The following RANBP17 variants were observed in gnomAD, a reference collection of about 807,000 sequenced individuals.
RANBP17 encodes the protein RAN binding protein 17.
A neutral mutation model predicts 141.2 loss-of-function variants in RANBP17; 158 were observed. The observed-to-expected ratio is 1.12, with a 90% confidence interval of 0.98 to 1.28. The LOEUF (loss-of-function observed/expected upper bound fraction) is 1.28. Ranked by LOEUF, RANBP17 falls within the 50% of genes most tolerant of loss-of-function variation. The pLI, the probability that RANBP17 is intolerant of heterozygous loss-of-function variation, is 0.00. For missense variants in RANBP17, 1,438 were observed against 1,290.7 expected, an observed-to-expected ratio of 1.11 and a Z score of -1.75; for synonymous variants, 430 against 450.0, an observed-to-expected ratio of 0.96 and a Z score of 0.56.
intron 24 of RANBP17, chr5:171,251,732 G>A (rs1228151365): frequency 9.8e-6 from 7 of 715,722 alleles, no homozygotes; most frequent in East Asian, 2.9e-5. Context: ...CGCGGGCTGC[G>A]GTGCGAGCAG....
chr5:170,955,582 G>GTATATATATA (rs869169939), intron 13 of RANBP17, among the ~76,000 whole-genome samples: 4 of 41,674 alleles, frequency 9.6e-5, no homozygotes, highest in Admixed American at 8.0e-4. Flanking sequence ...CAGTCTGTGT[G>GTATATATATA]TATATATATA....
chr5:171,199,801 G>T, intron 19 of RANBP17, 28 bp downstream of exon 19: 2 of 1,426,426 alleles, frequency 1.4e-6, no homozygotes, highest in South Asian at 2.4e-5. Flanking sequence ...TATGAGGAAT[G>T]ACAGTTTTGT....
At chr5:171,033,934 C>G (rs1035399430) in intron 14 of RANBP17, among the ~76,000 whole-genome samples, 3 of 152,034 alleles carry the variant, frequency 2.0e-5, no homozygotes, top group African/African-American at 4.8e-5. Context: ...TAGTGAGGCT[C>G]TGTCTCTGCT....
intron 5 of RANBP17, among the ~76,000 whole-genome samples, chr5:170,906,363 A>G (rs1286080297): frequency 1.3e-5 from 2 of 151,914 alleles, no homozygotes; most frequent in Non-Finnish European, 2.9e-5. Flanking sequence ...ATGTCCCTCA[A>G]TTTGGGATTG....
chr5:171,028,915 A>C (rs756301937), intron 14 of RANBP17: 7 of 1,288,738 alleles, frequency 5.4e-6, no homozygotes, highest in Non-Finnish European at 7.1e-6. Flanking sequence ...AAACCTATCC[A>C]ACTCGGGTTT....
intron 14 of RANBP17, among the ~76,000 whole-genome samples, chr5:171,079,161 C>T (rs1392034006): frequency 6.6e-6 from 1 of 152,170 alleles, no homozygotes; most frequent in East Asian, 1.9e-4. Flanking sequence ...GGGTTCAAGA[C>T]TTCAGGATCG....
chr5:170,929,327 T>C (rs10063052), intron 12 of RANBP17, among the ~76,000 whole-genome samples: 25 of 152,210 alleles, frequency 1.6e-4, no homozygotes, highest in African/African-American at 6.0e-4. Flanking sequence ...ATAGAAAGCA[T>C]TGAGCATTTT....
chr5:171,078,628 C>G lies in RANBP17; in HGVS notation c.1711-91502C>G, dbSNP rs1242973196. ...TGGTGGCTTTAAGTTGAAGCCAGTG[C>G]TCACTTACCACCTGAAAATCCTAGA... On this transcript the variant is annotated intron_variant, in intron 14 of 27. Coordinates refer to ENST00000523189, the MANE Select transcript of RANBP17 (RefSeq NM_022897.5). Among the ~76,000 whole-genome samples the G allele has an allele frequency of 5.9e-5, 9 of 152,312 alleles. No individual in the cohort carries two copies. In the East Asian group the frequency reaches 1.4e-3, roughly 23 times the overall value.
chr5:171,156,114 GATT>G (rs1758876453), intron 14 of RANBP17, among the ~76,000 whole-genome samples: 1 of 152,056 alleles, frequency 6.6e-6, no homozygotes, highest in African/African-American at 2.4e-5. Context: ...TCAAAAGAAA[GATT>G]ATAAGCGGAT....
intron 10 of RANBP17, 47 bp downstream of exon 10, chr5:170,918,906 C>T (rs1772204512): frequency 7.7e-7 from 1 of 1,297,676 alleles, no homozygotes; most frequent in Non-Finnish European, 1.0e-6. Context: ...AGTTTTAAAA[C>T]AGCTTCTTGG....
At chr5:170,978,976 A>G (rs771336549) in intron 14 of RANBP17, among the ~76,000 whole-genome samples, 1 of 152,212 alleles carries the variant, frequency 6.6e-6, no homozygotes, top group Non-Finnish European at 1.5e-5. Context: ...TATGTATAAC[A>G]GTGAAAATGA....
rs368845392 is a variant in RANBP17, at chr5:171,292,342, A to T, written c.2944-1541A>T. ...TCATTGCTGTTACTATATCCCTTAAATGTTTATAGCACTTTTTACTCTTTG... is the reference window on the plus strand; with the variant it reads ...TCATTGCTGTTACTATATCCCTTAATTGTTTATAGCACTTTTTACTCTTTG... On this transcript the variant is annotated intron_variant, in intron 25 of 27. Coordinates refer to ENST00000523189, the MANE Select transcript of RANBP17 (RefSeq NM_022897.5). 1.3e-3 allele frequency among the ~76,000 whole-genome samples: 200 copies of T among 152,326 alleles called. 9 individuals carry two copies. The South Asian group carries it at 0.04, about 30-fold the overall frequency.
At chr5:171,061,747 A>C (rs1342888165) in intron 14 of RANBP17, among the ~76,000 whole-genome samples, 2 of 152,062 alleles carry the variant, frequency 1.3e-5, no homozygotes, top group Non-Finnish European at 2.9e-5. Flanking sequence ...TGATCTGTCT[A>C]ATGTTGACAG....
intron 19 of RANBP17, among the ~76,000 whole-genome samples, chr5:171,202,349 C>T (rs952693534): frequency 6.6e-6 from 1 of 152,112 alleles, no homozygotes; most frequent in Admixed American, 6.5e-5. Flanking sequence ...TCCCCTGACT[C>T]GTGCATCGTT....
intron 16 of RANBP17, among the ~76,000 whole-genome samples, chr5:171,176,650 A>T (rs761787846): frequency 9.8e-5 from 15 of 152,322 alleles, no homozygotes; most frequent in Non-Finnish European, 2.1e-4. Flanking sequence ...GATAAATTAC[A>T]TACGAATTTT....
intron 24 of RANBP17, chr5:171,251,873 C>T (rs1765589654): frequency 4.1e-6 from 6 of 1,455,738 alleles, no homozygotes; most frequent in Admixed American, 1.7e-5. Context: ...GCCAATGCTT[C>T]GGCATTAGAG....
chr5:171,234,747 G>A (rs1764429778), intron 22 of RANBP17, among the ~76,000 whole-genome samples: 1 of 152,200 alleles, frequency 6.6e-6, no homozygotes, highest in Non-Finnish European at 1.5e-5. Flanking sequence ...GCTAAGATGG[G>A]TGTGGGGGAC....
intron 4 of RANBP17, among the ~76,000 whole-genome samples, chr5:170,894,909 T>C (rs1329814556): frequency 6.6e-6 from 1 of 152,216 alleles, no homozygotes; most frequent in Non-Finnish European, 1.5e-5. Flanking sequence ...ACTTTGTGAC[T>C]TAGCTGTTTT....
intron 14 of RANBP17, among the ~76,000 whole-genome samples, chr5:171,057,952 G>C (rs894740754): frequency 6.6e-6 from 1 of 152,058 alleles, no homozygotes; most frequent in Non-Finnish European, 1.5e-5. Context: ...TGGGGACACA[G>C]AGCCAAACCA....
Sources: allele counts gnomAD v4.1 joint callset (sites outside exome capture counted in the v4.1 genomes callset), GRCh38; gene constraint gnomAD v4.1.1; transcripts MANE v1.5; gene names NCBI Gene and HGNC (gene_info 2026-07-23, HGNC 2026-07-21).